The following PRCP variants were observed in gnomAD, a reference collection of about 807,000 sequenced individuals.
The protein encoded by PRCP is lysosomal Pro-X carboxypeptidase.
PRCP carries 46 observed loss-of-function variants against 54.2 expected under a neutral mutation model. The observed-to-expected ratio is 0.85, with a 90% CI of 0.67 to 1.09. The LOEUF (loss-of-function observed/expected upper bound fraction) is 1.09. Among genes scored for constraint, PRCP ranks in the 50% least tolerant of loss-of-function variants. PRCP has a pLI of 0.00. For synonymous variants in PRCP, 240 were observed against 212.2 expected (o/e 1.13, Z -1.14); for missense variants, 613 against 596.8 (o/e 1.03, Z -0.28).
chr11:82,861,083 C>T (rs78095750), intron 1 of PRCP, among the ~76,000 whole-genome samples: 17,653 of 152,018 alleles, frequency 0.12, 1,964 homozygotes, highest in African/African-American at 0.29. Flanking sequence ...CATTAGTCCA[C>T]AAAAATATTT....
At chr11:82,882,930 T>C (rs1859786299) in intron 1 of PRCP, among the ~76,000 whole-genome samples, 1 of 151,210 alleles carries the variant, frequency 6.6e-6, no homozygotes, top group Non-Finnish European at 1.5e-5. Flanking sequence ...ACGATGATAC[T>C]TCAAAAGGCC....
At chr11:82,827,075 G>C (rs1190021635) in intron 8 of PRCP, 1 of 152,114 alleles carries the variant, frequency 6.6e-6, no homozygotes, top group Non-Finnish European at 1.5e-5. Context: ...ATTACTTATA[G>C]AACATTTTTA....
At chr11:82,833,284 T>C (rs913435138) in intron 8 of PRCP, among the ~76,000 whole-genome samples, 1 of 152,162 alleles carries the variant, frequency 6.6e-6, no homozygotes, top group Non-Finnish European at 1.5e-5. Flanking sequence ...TTACAGGTGC[T>C]AGTAGAAGTA....
chr11:82,898,548 A>G lies in PRCP; in HGVS notation c.168+1687T>C, dbSNP rs149212196. On this transcript the variant is annotated intron_variant, in intron 1 of 8. Transcript: ENST00000313010. ...GTTGTATATAAAATCCCAGCATATA[A>G]AACAGGTAAAAGCTGAAAGAGATCC... Among the ~76,000 whole-genome samples, 556 of 152,300 alleles carry G rather than the reference A, an allele frequency of 3.7e-3. 7 individuals are homozygous for G. Among genetic ancestry groups the G allele is most frequent in the African/African-American group, 0.012 (518 of 41,570 alleles).
In PRCP at chr11:82,871,027, T is replaced by C. The variant is rs1227349308; in HGVS notation, c.169-10910A>G. 2.0e-5 allele frequency among the ~76,000 whole-genome samples: 3 copies of C among 152,186 alleles called. No individual in the cohort carries two copies. The East Asian group carries it at 5.8e-4, about 29-fold the overall frequency. ...ATCTTGCCAGAACTCATATATATGA[T>C]ATATAAGCATTTCAATAATAATCTC... is the stretch of plus-strand genomic sequence containing the variant. On this transcript the variant is annotated intron_variant, in intron 1 of 8. Coordinates refer to ENST00000313010, the MANE Select transcript of PRCP (RefSeq NM_005040.4).
At chr11:82,884,855 T>C in intron 1 of PRCP, 1 of 1,613,696 alleles carries the variant, frequency 6.2e-7, no homozygotes, top group East Asian at 2.2e-5. Context: ...AGTTGGATAA[T>C]ACATATGTGC....
Position 82,838,602 on chromosome 11 carries a change from A to G in PRCP, c.1087-28T>C, listed in dbSNP as rs1315340037. ...AAGAAGCAAACCAAGAGAGAATCCA[A>G]TTAGAAAAATGAGGCAAAAAGAGGT... On this transcript the variant is annotated intron_variant, in intron 7 of 8. Coordinates refer to ENST00000313010, the MANE Select transcript of PRCP (RefSeq NM_005040.4). 8 of 1,585,814 alleles carry G rather than the reference A, an allele frequency of 5.0e-6. No individual in the cohort carries two copies. In the South Asian group the frequency reaches 5.8e-5, roughly 11 times the overall value.
intron 6 of PRCP, 137 bp downstream of exon 6, chr11:82,848,912 C>T (rs764652704): frequency 2.4e-6 from 2 of 835,514 alleles, no homozygotes; most frequent in South Asian, 1.9e-5. Context: ...GTAGCAGAAC[C>T]CAGGATTCCA....
intron 1 of PRCP, among the ~76,000 whole-genome samples, chr11:82,884,640 C>T (rs985765261): frequency 1.4e-4 from 21 of 152,258 alleles, no homozygotes; most frequent in African/African-American, 5.1e-4. Flanking sequence ...TACCAAGGCA[C>T]CTTTTAACAC....
intron 2 of PRCP, among the ~76,000 whole-genome samples, chr11:82,856,709 A>G (rs1215041036): frequency 6.6e-6 from 1 of 152,020 alleles, no homozygotes; most frequent in East Asian, 1.9e-4. Context: ...AAAAAACACG[A>G]TGGAGAGAAA....
Position 82,823,074 on chromosome 11 carries a change from G to A in PRCP, c.*1832C>T, listed in dbSNP as rs1422244762. On this transcript the variant is annotated 3_prime_UTR_variant, in exon 9 of 9. Transcript: ENST00000313010. ...AATTATACTCACTTCAATTAAGGCT[G>A]CTATCTATATTCCTAAAATGCATAC... is the stretch of plus-strand genomic sequence containing the variant. Among the ~76,000 whole-genome samples, 2 of 152,118 alleles carry A rather than the reference G, an allele frequency of 1.3e-5. No homozygotes were observed. Among genetic ancestry groups the A allele is most frequent in the African/African-American group, 4.8e-5 (2 of 41,428 alleles).
At chr11:82,885,426 T>C (rs1591071098) in intron 1 of PRCP, among the ~76,000 whole-genome samples, 1 of 152,234 alleles carries the variant, frequency 6.6e-6, no homozygotes, top group Non-Finnish European at 1.5e-5. Flanking sequence ...TCCCCTTAGA[T>C]GGCAGAATAA....
At chr11:82,854,215 G>A (rs1196311779) in intron 2 of PRCP, among the ~76,000 whole-genome samples, 2 of 152,114 alleles carry the variant, frequency 1.3e-5, no homozygotes, top group African/African-American at 4.8e-5. Flanking sequence ...ATGTCAAACT[G>A]TCTCTTTTCA....
At chr11:82,873,568 C>A (rs1361665117) in intron 1 of PRCP, among the ~76,000 whole-genome samples, 1 of 152,192 alleles carries the variant, frequency 6.6e-6, no homozygotes, top group African/African-American at 2.4e-5. Context: ...AGGTCCCGTT[C>A]CACCCTGGTG....
At chr11:82,860,599 TCTACTCC>T (rs1180116718) in intron 1 of PRCP, among the ~76,000 whole-genome samples, 1 of 152,044 alleles carries the variant, frequency 6.6e-6, no homozygotes, top group African/African-American at 2.4e-5. Flanking sequence ...CCACTTAAAA[TCTACTCC>T]CTTAGCAATT....
rs753578216 is a variant in PRCP, at chr11:82,850,391, T to C, written c.526A>G (p.Ile176Val). The change falls in exon 4 of 9, where the codon ATA (isoleucine) becomes GTA (valine). Residue 176 changes from isoleucine (I) to valine (V), a missense_variant. Transcript: ENST00000313010. ...PGAENQPVIA[I>V]GGSYGGMLAA... ...AGCATGCCACCATAGGAGCCTCCTA[T>C]GGCAATGACAGGTTGATTTTCAGCT... 1.2e-6 allele frequency: 2 copies of C among 1,603,028 alleles called. No individual in the cohort carries two copies. The highest frequency in any genetic ancestry group is 1.7e-5 in the Admixed American group (1 of 58,836).
chr11:82,835,159 T>G (rs535288191), intron 8 of PRCP, among the ~76,000 whole-genome samples: 3 of 152,286 alleles, frequency 2.0e-5, no homozygotes, highest in African/African-American at 7.2e-5. Context: ...CGTTTACCTA[T>G]GTAACAAACC....
At chr11:82,831,932 T>C (rs527371995) in intron 8 of PRCP, among the ~76,000 whole-genome samples, 27 of 152,206 alleles carry the variant, frequency 1.8e-4, no homozygotes, top group African/African-American at 5.3e-4. Flanking sequence ...TGTGTTCTCA[T>C]TGTTCAACTC....
At chr11:82,884,810 A>C (rs1021797078) in intron 1 of PRCP, 2 of 1,611,538 alleles carry the variant, frequency 1.2e-6, no homozygotes, top group Admixed American at 3.4e-5. Context: ...AGAATGAAAA[A>C]AATAACACCT....
Sources: allele counts gnomAD v4.1 joint callset (sites outside exome capture counted in the v4.1 genomes callset), GRCh38; gene constraint gnomAD v4.1.1; transcripts MANE v1.5; gene names NCBI Gene and HGNC (gene_info 2026-07-23, HGNC 2026-07-21).